Variants in STK26 observed in about 807,000 individuals in gnomAD.
STK26 encodes the protein serine/threonine kinase 26.
In STK26, 14 loss-of-function variants were observed where a neutral mutation model predicts 34.7. The ratio of observed to expected loss-of-function variants is 0.40; its 90% CI spans 0.27 to 0.63. STK26 has a LOEUF of 0.63. Ranked by LOEUF, STK26 falls within the 30% of genes least tolerant of loss-of-function variation. The probability of loss-of-function intolerance (pLI) is 0.38; values close to 1 mark genes in which losing one functional copy is unlikely to be tolerated. For missense variants in STK26, 226 were observed against 309.1 expected, an observed-to-expected ratio of 0.73 and a Z score of 2.02; for synonymous variants, 100 against 109.8, an observed-to-expected ratio of 0.91 and a Z score of 0.56.
intron 2 of STK26, among the ~76,000 whole-genome samples, chrX:132,028,707 G>A (rs1925708241): frequency 9.0e-6 from 1 of 111,091 alleles, no homozygotes; most frequent in South Asian, 3.8e-4. Flanking sequence ...AAGTAAGGGT[G>A]GCTTTAAGAT....
chrX:132,064,793 G>C (rs1351291692), intron 4 of STK26, among the ~76,000 whole-genome samples: 1 of 111,752 alleles, frequency 8.9e-6, no homozygotes, highest in Non-Finnish European at 1.9e-5. Flanking sequence ...TTCTAAGAAA[G>C]TGTTTTGATT....
chrX:132,037,769 C>CTTTTTTTTTTTTTT (rs755403402), intron 2 of STK26, among the ~76,000 whole-genome samples: 9 of 51,860 alleles, frequency 1.7e-4, no homozygotes, highest in African/African-American at 7.9e-4. Flanking sequence ...CGGAGAGCTG[C>CTTTTTTTTTTTTTT]TTTTTTTTTT....
intron 9 of STK26, 51 bp from the exon 10 acceptor site, chrX:132,072,762 C>T: frequency 8.9e-7 from 1 of 1,129,412 alleles, no homozygotes; most frequent in African/African-American, 1.8e-5. Flanking sequence ...ATAAGAAAAT[C>T]ATGACACTTA....
chrX:132,057,599 T>C (rs1047575396), intron 3 of STK26, among the ~76,000 whole-genome samples: 1 of 111,493 alleles, frequency 9.0e-6, no homozygotes, highest in Non-Finnish European at 1.9e-5. Context: ...TTAAAACTGG[T>C]ATCTCCTCTG....
intron 2 of STK26, among the ~76,000 whole-genome samples, chrX:132,042,056 C>T (rs1926285944): frequency 9.0e-6 from 1 of 111,301 alleles, no homozygotes; most frequent in Non-Finnish European, 1.9e-5. Context: ...TTGGTAATTT[C>T]AGCAATGTCA....
At chrX:132,054,203 G>A (rs1926780388) in intron 2 of STK26, among the ~76,000 whole-genome samples, 1 of 112,176 alleles carries the variant, frequency 8.9e-6, no homozygotes, top group Non-Finnish European at 1.9e-5. Context: ...TATCCGAGTT[G>A]GAGAGAGAGG....
intron 2 of STK26, among the ~76,000 whole-genome samples, chrX:132,034,589 C>T (rs767705363): frequency 1.8e-5 from 2 of 111,404 alleles, no homozygotes; most frequent in Admixed American, 9.5e-5. Flanking sequence ...CCACCGCGCC[C>T]GGCCAGGAGA....
Position 132,068,200 on chromosome X carries a change from G to T in STK26, c.331-15G>T. 2.6e-6 allele frequency: 3 copies of T among 1,162,237 alleles called. No individual in the cohort carries two copies. The highest frequency in any genetic ancestry group is 1.8e-5 in the African/African-American group (1 of 55,409). On this transcript the variant is annotated splice_polypyrimidine_tract_variant and intron_variant, in intron 4 of 11. Transcript: ENST00000394334. ...TACACATATGTGTATGTGTGTGTGT[G>T]TTTTTCCCCTTAAGCTTCGAGCTGG...
intron 2 of STK26, among the ~76,000 whole-genome samples, chrX:132,041,301 G>T (rs1023174849): frequency 2.8e-4 from 31 of 111,312 alleles, no homozygotes; most frequent in African/African-American, 9.5e-4. Context: ...ATAAGGGAAA[G>T]AAAGAGGAGA....
chrX:132,049,735 A>G (rs1182015054), intron 2 of STK26, among the ~76,000 whole-genome samples: 2 of 112,056 alleles, frequency 1.8e-5, no homozygotes, highest in African/African-American at 6.5e-5. Flanking sequence ...TTATTTGCTC[A>G]TTATTTCCTG....
At chrX:132,064,530 G>A (rs1176900459) in intron 4 of STK26, among the ~76,000 whole-genome samples, 2 of 111,451 alleles carry the variant, frequency 1.8e-5, no homozygotes, top group African/African-American at 3.3e-5. Flanking sequence ...TTATTAATAT[G>A]ATACTATGTT....
chrX:132,059,571 G>T (rs1372670832), intron 3 of STK26, among the ~76,000 whole-genome samples: 1 of 111,682 alleles, frequency 9.0e-6, no homozygotes, highest in African/African-American at 3.3e-5. Context: ...TATGAAGAGT[G>T]CTAAAATAAG....
At chrX:132,073,970 A>T (rs1439130066) in intron 11 of STK26, among the ~76,000 whole-genome samples, 165 bp from the exon 12 acceptor site, 2 of 112,186 alleles carry the variant, frequency 1.8e-5, no homozygotes, top group Non-Finnish European at 3.8e-5. Flanking sequence ...CAGATGCAGA[A>T]GGGATTTTTT....
intron 2 of STK26, among the ~76,000 whole-genome samples, chrX:132,050,198 G>T (rs1926636441): frequency 9.0e-6 from 1 of 110,979 alleles, no homozygotes; most frequent in Non-Finnish European, 1.9e-5. Flanking sequence ...CCCTCCACAA[G>T]TTGACCCATT....
chrX:132,029,712 C>T (rs1366306931), intron 2 of STK26, among the ~76,000 whole-genome samples: 1 of 110,926 alleles, frequency 9.0e-6, no homozygotes, highest in Non-Finnish European at 1.9e-5. Flanking sequence ...CAGTGATTGG[C>T]CAAATTCTAC....
At chrX:132,028,031 GTT>G (rs546393727) in intron 2 of STK26, among the ~76,000 whole-genome samples, 4 of 78,344 alleles carry the variant, frequency 5.1e-5, no homozygotes, top group Admixed American at 1.7e-4. Flanking sequence ...AATTTTTATG[GTT>G]TTTTTTTTTT....
intron 2 of STK26, among the ~76,000 whole-genome samples, chrX:132,042,119 A>G (rs937960484): frequency 2.7e-5 from 3 of 111,244 alleles, no homozygotes; most frequent in Admixed American, 9.6e-5. Context: ...AGAGATAGGG[A>G]TTAACATATT....
intron 8 of STK26, 99 bp downstream of exon 8, chrX:132,071,316 A>G: frequency 1.0e-6 from 1 of 965,408 alleles, no homozygotes; most frequent in Non-Finnish European, 1.4e-6. Flanking sequence ...TAAAATATAA[A>G]CCATATTTTG....
rs1429680971 is a variant in STK26 at position 132,063,438 on chromosome X, T to C, written c.279T>C (p.Ser93=). ...TKYYGSYLKG[S]KLWIIMEYLG... is the part of the protein sequence containing the mutation. ...ATTGTTTCATGGCTTTACAGGGGTC[T>C]AAATTATGGATAATAATGGAATACC... The change falls in exon 4 of 12, where the codon TCT becomes TCC. Residue 93 remains serine (S), a synonymous_variant. Coordinates refer to ENST00000394334, the MANE Select transcript of STK26 (RefSeq NM_016542.4). The C allele has an allele frequency of 2.5e-6, 3 of 1,206,124 alleles. No individual in the cohort carries two copies. Among genetic ancestry groups the C allele is most frequent in the East Asian group, 5.9e-5 (2 of 33,741 alleles).
Sources: gnomAD v4.1 joint callset for allele counts (sites outside exome capture counted in the v4.1 genomes callset) on GRCh38, gnomAD v4.1.1 for gene constraint, MANE v1.5 for transcripts, NCBI Gene and HGNC (gene_info 2026-07-23, HGNC 2026-07-21) for gene names.